The following VWCE variants were observed in gnomAD, a reference collection of about 807,000 sequenced individuals.
The protein encoded by VWCE is von Willebrand factor C and EGF domain-containing protein.
Under a neutral mutation model 102.9 loss-of-function variants are expected in VWCE, and 68 were observed. That is an observed-to-expected ratio of 0.66 (90% CI 0.54 to 0.81). VWCE has a LOEUF of 0.81. VWCE is among the 30% of genes least tolerant of loss of function. The pLI is 0.00. For synonymous variants in VWCE, 497 were observed against 515.4 expected (o/e 0.96, Z 0.48); for missense variants, 1,137 against 1,263.6 (o/e 0.90, Z 1.52).
At position 61,281,880 on chromosome 11, in the gene VWCE, T is replaced by C; in HGVS notation, c.693A>G (p.Arg231=). 6.2e-7 allele frequency: 1 copy of C among 1,613,872 alleles called. No homozygotes were observed. Among genetic ancestry groups the C allele is most frequent in the Non-Finnish European group, 8.5e-7 (1 of 1,179,878 alleles). ...VNECRRPLER[R]VCHHSCHNTV... is the part of the protein sequence containing the mutation. ...TGTTGTGGCAGGAATGGTGACAGAC[T>C]CGCCTCTCCAATGGCCTCCGACACT... The change falls in exon 7 of 20, where the codon CGA becomes CGG. Residue 231 remains arginine, a synonymous_variant. Coordinates refer to ENST00000335613, the MANE Select transcript of VWCE (RefSeq NM_152718.2).
At chr11:61,266,637 A>T (rs1854521223) in intron 16 of VWCE, among the ~76,000 whole-genome samples, 1 of 152,146 alleles carries the variant, frequency 6.6e-6, no homozygotes, top group Admixed American at 6.5e-5. Context: ...ATGACCCAGG[A>T]GAAGAAATAT....
intron 12 of VWCE, 42 bp from the exon 13 acceptor site, chr11:61,273,358 T>G: frequency 2.6e-6 from 4 of 1,548,276 alleles, no homozygotes; most frequent in Non-Finnish European, 3.5e-6. Flanking sequence ...GGCGGCACCC[T>G]GCCTGGGGAC....
At position 61,282,838 on chromosome 11, in the gene VWCE, A is replaced by G; in HGVS notation, c.609T>C (p.Cys203=). Residue 203 remains cysteine (C), a synonymous_variant, in exon 6 of 20, where the codon TGT becomes TGC. Coordinates refer to ENST00000335613, the MANE Select transcript of VWCE (RefSeq NM_152718.2). ...RCKNSIGSYK[C]SCRTGFHLHG... ...GAAGGTGGAAGCCAGTTCGACAGGA[A>G]CACTTGTAGCTGCCAATGCTGTTTT... 1.2e-6 allele frequency: 2 copies of G among 1,614,212 alleles called. No homozygotes were observed. The highest frequency in any genetic ancestry group is 1.7e-4 in the Middle Eastern group (1 of 6,050).
chr11:61,280,736 G>A lies in VWCE; in HGVS notation c.1231-19C>T. The A allele has an allele frequency of 6.2e-7, 1 of 1,613,912 alleles. No individual in the cohort carries two copies. The highest frequency in any genetic ancestry group is 8.5e-7 in the Non-Finnish European group (1 of 1,179,980). The stretch of plus-strand genomic sequence containing the variant: ...TCCCGTCCTAGAAGCACAAGCAGGA[G>A]TTAGAGCCACCACAAGGCCCCAGAC... On this transcript the variant is annotated intron_variant, in intron 8 of 19. Coordinates refer to ENST00000335613, the MANE Select transcript of VWCE (RefSeq NM_152718.2).
At chr11:61,280,324 CAGA>C (rs1855078662) in intron 9 of VWCE, among the ~76,000 whole-genome samples, 1 of 152,040 alleles carries the variant, frequency 6.6e-6, no homozygotes, top group African/African-American at 2.4e-5. Context: ...AACAGATGCC[CAGA>C]AGATGAAAAG....
chr11:61,267,864 G>C (rs926431071), intron 15 of VWCE, among the ~76,000 whole-genome samples: 4 of 152,000 alleles, frequency 2.6e-5, no homozygotes, highest in Non-Finnish European at 4.4e-5. Context: ...CGAGGTGTGT[G>C]TGAGGCCCCA....
rs1252698151 is a variant in VWCE, at chr11:61,259,293, T to C, written c.2250A>G (p.Glu750=). The change falls in exon 20 of 20, where the codon GAA becomes GAG. Residue 750 remains glutamate, a synonymous_variant. Transcript: ENST00000335613. ...SSCPDSLSPL[E]EKQGLSPHGN... ...CGTGAGGGGAGAGCCCCTGCTTTTC[T>C]TCCAGAGGAGACAGGGAATCTAGAG... The C allele has an allele frequency of 6.3e-7, 1 of 1,587,668 alleles. No individual in the cohort carries two copies. Among genetic ancestry groups the C allele is most frequent in the East Asian group, 2.2e-5 (1 of 44,606 alleles).
intron 11 of VWCE, among the ~76,000 whole-genome samples, chr11:61,275,663 A>T (rs1854880622): frequency 6.6e-6 from 1 of 152,228 alleles, no homozygotes; most frequent in African/African-American, 2.4e-5. Flanking sequence ...TGGGGCAATA[A>T]ATAGTACTGC....
intron 19 of VWCE, 42 bp from the exon 20 acceptor site, chr11:61,259,354 C>G (rs1854287824): frequency 6.5e-7 from 1 of 1,531,336 alleles, no homozygotes; most frequent in Non-Finnish European, 8.8e-7. Flanking sequence ...ATGGCTCTCT[C>G]CAGTGGCCAA....
intron 4 of VWCE, among the ~76,000 whole-genome samples, chr11:61,289,449 C>G (rs969412378): frequency 1.3e-5 from 2 of 151,714 alleles, no homozygotes; most frequent in Non-Finnish European, 2.9e-5. Flanking sequence ...AGGGTTTCAC[C>G]ATGTTGGCCA....
intron 3 of VWCE, 61 bp downstream of exon 3, chr11:61,291,203 C>A (rs1855492279): frequency 1.4e-6 from 2 of 1,460,336 alleles, no homozygotes; most frequent in Admixed American, 4.9e-5. Flanking sequence ...GCCCACTGCC[C>A]AGGACATAAC....
rs1855184847 is a variant in VWCE at position 61,282,832 on chromosome 11, A to G, written c.615T>C (p.Cys205=). The G allele has an allele frequency of 6.2e-7, 1 of 1,614,112 alleles. No individual in the cohort carries two copies. Among genetic ancestry groups the G allele is most frequent in the South Asian group, 1.1e-5 (1 of 91,094 alleles). ...KNSIGSYKCS[C]RTGFHLHGNR... ...TGCCATGAAGGTGGAAGCCAGTTCG[A>G]CAGGAACACTTGTAGCTGCCAATGC... Residue 205 remains cysteine, a synonymous_variant, in exon 6 of 20, where the codon TGT becomes TGC. Transcript: ENST00000335613.
At chr11:61,276,721 G>T (rs760679969) in intron 10 of VWCE, 41 bp from the exon 11 acceptor site, 9 of 1,508,340 alleles carry the variant, frequency 6.0e-6, no homozygotes, top group Non-Finnish European at 8.1e-6. Context: ...GTGCGGGTGT[G>T]GAACAGGGTT....
chr11:61,277,267 G>A (rs1389098555), intron 10 of VWCE, among the ~76,000 whole-genome samples: 1 of 151,992 alleles, frequency 6.6e-6, no homozygotes, highest in Non-Finnish European at 1.5e-5. Context: ...GCATGCCCCT[G>A]ATTTCACACT....
chr11:61,274,292 G>C (rs1365951490), intron 12 of VWCE, among the ~76,000 whole-genome samples: 1 of 152,178 alleles, frequency 6.6e-6, no homozygotes, highest in Non-Finnish European at 1.5e-5. Context: ...CACACAGTAG[G>C]TGCTCTGTAA....
chr11:61,267,614 G>T, intron 15 of VWCE, 70 bp from the exon 16 acceptor site: 2 of 1,465,824 alleles, frequency 1.4e-6, no homozygotes, highest in South Asian at 1.1e-5. Flanking sequence ...CCAGGGCCAA[G>T]GTCACAGGCT....
rs565922115 is a variant in VWCE, at chr11:61,287,023, G to C, written c.425-593C>G. Among the ~76,000 whole-genome samples, 3 of 152,182 alleles carry C rather than the reference G, an allele frequency of 2.0e-5. No homozygotes were observed. The South Asian group carries it at 6.2e-4, about 32-fold the overall frequency. ...GAGGCAGGAGAATGGCGTAAACCTGGGAGGCGGAGCTTGCAGTGAGCCAAG... is the reference window on the plus strand; with the variant it reads ...GAGGCAGGAGAATGGCGTAAACCTGCGAGGCGGAGCTTGCAGTGAGCCAAG... On this transcript the variant is annotated intron_variant, in intron 4 of 19. Transcript: ENST00000335613.
intron 4 of VWCE, among the ~76,000 whole-genome samples, chr11:61,288,585 C>T (rs1017470735): frequency 6.6e-6 from 1 of 152,228 alleles, no homozygotes; most frequent in Non-Finnish European, 1.5e-5. Context: ...GCCACCCTGT[C>T]CTGCAAGTGC....
In VWCE at chr11:61,282,907, T is replaced by G; in HGVS notation, c.542-2A>C. ...GAGTCCCTAGGCATTCGTCAGTGTCTGGCAGGAAAAGGGACAAGACTGGGG... is the reference window on the plus strand; with the variant it reads ...GAGTCCCTAGGCATTCGTCAGTGTCGGGCAGGAAAAGGGACAAGACTGGGG... On this transcript the variant is annotated splice_acceptor_variant, in intron 5 of 19. Coordinates refer to ENST00000335613, the MANE Select transcript of VWCE (RefSeq NM_152718.2). LOFTEE classifies it high-confidence loss of function. 6.2e-7 allele frequency: 1 copy of G among 1,613,316 alleles called. No individual in the cohort carries two copies. Among genetic ancestry groups the G allele is most frequent in the Non-Finnish European group, 8.5e-7 (1 of 1,179,260 alleles).
Sources: allele counts gnomAD v4.1 joint callset (sites outside exome capture counted in the v4.1 genomes callset), GRCh38; gene constraint gnomAD v4.1.1; transcripts MANE v1.5; gene names NCBI Gene and HGNC (gene_info 2026-07-23, HGNC 2026-07-21).